The following RIPK4 variants were observed in gnomAD, a reference collection of about 807,000 sequenced individuals.
RIPK4 encodes the protein receptor-interacting serine/threonine-protein kinase 4.
RIPK4 carries 17 observed loss-of-function variants against 42.9 expected under a neutral mutation model. The observed-to-expected ratio is 0.40, with a 90% confidence interval of 0.27 to 0.59. RIPK4 has a LOEUF of 0.59. Ranked by LOEUF, RIPK4 falls within the 20% of genes least tolerant of loss-of-function variation. RIPK4 has a pLI of 0.47. For missense variants in RIPK4, 897 were observed against 1,104.4 expected (o/e 0.81, Z 2.66); for synonymous variants, 498 against 499.1 (o/e 1.00, Z 0.03).
chr21:41,766,736 T>C lies in RIPK4; in HGVS notation c.182+124A>G, dbSNP rs545147456. 1,367 of 1,052,016 alleles carry C rather than the reference T, an allele frequency of 1.3e-3. 4 individuals are homozygous for C. Among genetic ancestry groups the C allele is most frequent in the African/African-American group, 7.0e-3 (418 of 59,454 alleles). The allele number at this position is 1,052,016 out of a possible 1,614,324, so 65.2% of individuals were successfully genotyped here. A position where few individuals can be genotyped will look rare whatever the true frequency, so the allele number is the denominator to read the frequency against. ...CCCGCGGCCTCGCCGGCAATTGGTT[T>C]CCCCCCCGAAGCTGCTCCGGGGGTG... is the stretch of plus-strand genomic sequence containing the variant. On this transcript the variant is annotated intron_variant, in intron 1 of 7. Coordinates refer to ENST00000332512, the MANE Select transcript of RIPK4 (RefSeq NM_020639.3).
At chr21:41,759,764 C>G (rs2061215293) in intron 1 of RIPK4, among the ~76,000 whole-genome samples, 1 of 152,230 alleles carries the variant, frequency 6.6e-6, no homozygotes. Flanking sequence ...TCTGACCGCC[C>G]CTGCGAGAGT....
Position 41,741,441 on chromosome 21 carries a change from G to A in RIPK4, c.1752C>T (p.Pro584=), listed in dbSNP as rs77714557. ...GCTGCTTGGCCAGCAGCTTGACGAT[G>A]GGCAGGTGGCCCTGCCAGGCAGCGT... is the stretch of plus-strand genomic sequence containing the variant. ...LHYAAWQGHL[P]IVKLLAKQPG... The change falls in exon 8 of 8, where the codon CCC becomes CCT. Residue 584 remains proline (P), a synonymous_variant. Coordinates refer to ENST00000332512, the MANE Select transcript of RIPK4 (RefSeq NM_020639.3). 101 of 1,612,876 alleles carry A rather than the reference G, an allele frequency of 6.3e-5. No individual in the cohort carries two copies. In the East Asian group the frequency reaches 2.3e-3, roughly 36 times the overall value.
chr21:41,743,962 G>A lies in RIPK4; in HGVS notation c.1115C>T (p.Ser372Leu). Residue 372 changes from serine to leucine, a missense_variant, in exon 7 of 8, where the codon TCG (serine) becomes TTG (leucine). By Grantham distance (145) the Ser-to-Leu change is moderately radical (BLOSUM62 -2). Coordinates refer to ENST00000332512, the MANE Select transcript of RIPK4 (RefSeq NM_020639.3). The part of the protein sequence containing the change: ...LPSSGSGKRL[S>L]GVSSVDSAFS... ...GGCGGAGTCCACCGAGGACACCCCC[G>A]AGAGCCTCTTCCCACTGCCGGACGA... 5 of 1,613,416 alleles carry A rather than the reference G, an allele frequency of 3.1e-6. No individual in the cohort carries two copies. The highest frequency in any genetic ancestry group is 4.2e-6 in the Non-Finnish European group (5 of 1,180,014).
In RIPK4 at chr21:41,740,908, T is replaced by C; in HGVS notation, c.2285A>G (p.Asn762Ser). The C allele has an allele frequency of 1.2e-6, 2 of 1,612,522 alleles. No homozygotes were observed. Among genetic ancestry groups the C allele is most frequent in the Non-Finnish European group, 1.7e-6 (2 of 1,179,784 alleles). The change falls in exon 8 of 8, where the codon AAC (asparagine) becomes AGC (serine). Residue 762 changes from asparagine to serine, a missense_variant. Asn to Ser is a conservative substitution (Grantham distance 46). Transcript: ENST00000332512. Reference sequence around the variant, plus strand: ...GCCCTGGAACTTGAGGCTCTGCAGGTTGATGTGGGCCCCATGCCTGAGCAG... The same window carrying C: ...GCCCTGGAACTTGAGGCTCTGCAGGCTGATGTGGGCCCCATGCCTGAGCAG... ...ETLLRHGAHI[N>S]LQSLKFQGGH...
intron 1 of RIPK4, among the ~76,000 whole-genome samples, chr21:41,766,339 C>A (rs2061236480): frequency 6.6e-6 from 1 of 152,208 alleles, no homozygotes; most frequent in Non-Finnish European, 1.5e-5. Flanking sequence ...TGTGTTCCAA[C>A]GTAAATTACT....
At position 41,741,218 on chromosome 21, in the gene RIPK4, G is replaced by A. The variant is rs147500393; in HGVS notation, c.1975C>T (p.Arg659Trp). 125 of 1,609,144 alleles carry A rather than the reference G, an allele frequency of 7.8e-5. No homozygotes were observed. Among genetic ancestry groups the A allele is most frequent in the Middle Eastern group, 1.6e-4 (1 of 6,072 alleles). Reference sequence around the variant, plus strand: ...GTCATGGCCTCCTTGCCAGCGCCCCGATGCAGGAGCAGCCTGGCAGTGCTC... The same window carrying A: ...GTCATGGCCTCCTTGCCAGCGCCCCAATGCAGGAGCAGCCTGGCAGTGCTC... ...HTSTARLLLHRGAGKEAMTSD... is the reference protein window; with the variant it reads ...HTSTARLLLHWGAGKEAMTSD... The change falls in exon 8 of 8, where the codon CGG (arginine) becomes TGG (tryptophan). Residue 659 changes from arginine to tryptophan, a missense_variant. Arg to Trp is a moderately radical substitution (Grantham distance 101). Transcript: ENST00000332512.
intron 1 of RIPK4, among the ~76,000 whole-genome samples, chr21:41,763,005 G>A (rs776950225): frequency 5.3e-5 from 8 of 152,164 alleles, no homozygotes; most frequent in East Asian, 1.9e-4. Context: ...GCGCAGCTAC[G>A]CTTAGGCACA....
chr21:41,765,820 C>T (rs3787962), intron 1 of RIPK4, among the ~76,000 whole-genome samples: 47,234 of 152,206 alleles, frequency 0.31, 7,875 homozygotes, highest in African/African-American at 0.41. Flanking sequence ...ATAATTAAAA[C>T]GTGCTAAATT....
intron 1 of RIPK4, among the ~76,000 whole-genome samples, chr21:41,758,891 T>C (rs1167300928): frequency 6.6e-6 from 1 of 152,228 alleles, no homozygotes; most frequent in Non-Finnish European, 1.5e-5. Context: ...TGCAATGGTC[T>C]GTATTGGCAT....
rs751391190 is a variant in RIPK4, at chr21:41,756,516, G to GC, written c.474+8dup. On this transcript the variant is annotated intron_variant, in intron 2 of 7. Transcript: ENST00000332512. ...GCCCAGCTCTCTCGGGCACCGTGCGGCCCCCCACCTTGACGTGGTAGTGGG... is the reference window on the plus strand; with the variant it reads ...GCCCAGCTCTCTCGGGCACCGTGCGGCCCCCCCACCTTGACGTGGTAGTGGG... 32 of 1,609,456 alleles carry GC rather than the reference G, an allele frequency of 2.0e-5. No homozygotes were observed. Among genetic ancestry groups the GC allele is most frequent in the Admixed American group, 3.3e-5 (2 of 59,984 alleles).
Position 41,743,873 on chromosome 21 carries a change from C to A in RIPK4, c.1195+9G>T. 1 of 1,583,766 alleles carries A rather than the reference C, an allele frequency of 6.3e-7. No homozygotes were observed. On this transcript the variant is annotated intron_variant, in intron 7 of 7. Transcript: ENST00000332512. ...GCATCTCTCGGGACACAGAGGCGTC[C>A]CCACTCACCGCTGGTTGAAGGTTCC...
Position 41,746,734 on chromosome 21 carries a change from C to T in RIPK4, c.711G>A (p.Val237=), listed in dbSNP as rs1267240400. ...KNILHIMVKV[V]KGHRPELPPV... is the part of the protein sequence containing the mutation. ...GCGGCAGCTCGGGGCGGTGGCCCTTCACCACCTTCACCATGATGTGCAGGA... is the reference window on the plus strand; with the variant it reads ...GCGGCAGCTCGGGGCGGTGGCCCTTTACCACCTTCACCATGATGTGCAGGA... The change falls in exon 5 of 8, where the codon GTG becomes GTA. Residue 237 remains valine, a synonymous_variant. Transcript: ENST00000332512. 2 of 1,606,518 alleles carry T rather than the reference C, an allele frequency of 1.2e-6. No homozygotes were observed. The highest frequency in any genetic ancestry group is 1.7e-6 in the Non-Finnish European group (2 of 1,177,624).
At chr21:41,752,861 A>G (rs537888616) in intron 2 of RIPK4, among the ~76,000 whole-genome samples, 15 of 152,240 alleles carry the variant, frequency 9.9e-5, no homozygotes, top group African/African-American at 3.4e-4. Context: ...ATTAGGACAA[A>G]CACCTAATGC....
chr21:41,763,532 C>G (rs1335458223), intron 1 of RIPK4, among the ~76,000 whole-genome samples: 2 of 152,134 alleles, frequency 1.3e-5, no homozygotes, highest in African/African-American at 2.4e-5. Context: ...GTGGGGGAGA[C>G]GGTGAGACCG....
At position 41,741,073 on chromosome 21, in the gene RIPK4, A is replaced by G; in HGVS notation, c.2120T>C (p.Leu707Pro). 1.2e-6 allele frequency: 2 copies of G among 1,611,430 alleles called. No homozygotes were observed. Among genetic ancestry groups the G allele is most frequent in the Non-Finnish European group, 1.7e-6 (2 of 1,179,682 alleles). Residue 707 changes from leucine to proline, a missense_variant, in exon 8 of 8, where the codon CTG becomes CCG. Physicochemically the swap from Leu to Pro is moderately conservative, Grantham distance 98 (BLOSUM62 -3). Transcript: ENST00000332512. ...GTGCCCGTGGGCGGCAGCCAGGTGCAGCGCCGTCTGGTTCAGGGGTCCCCG... is the reference window on the plus strand; with the variant it reads ...GTGCCCGTGGGCGGCAGCCAGGTGCGGCGCCGTCTGGTTCAGGGGTCCCCG... ...LARGPLNQTA[L>P]HLAAAHGHSE...
At chr21:41,749,318 C>A (rs1336423533) in intron 3 of RIPK4, 115 bp from the exon 4 acceptor site, 17 of 954,156 alleles carry the variant, frequency 1.8e-5, no homozygotes, top group Middle Eastern at 4.5e-4. Flanking sequence ...AAAGACAGAG[C>A]CATGACACCG....
intron 3 of RIPK4, among the ~76,000 whole-genome samples, chr21:41,750,277 C>T (rs974846311): frequency 1.3e-5 from 2 of 152,230 alleles, no homozygotes; most frequent in Non-Finnish European, 2.9e-5. Flanking sequence ...GGCTTAGTGC[C>T]TGCTCACACG....
chr21:41,745,924 A>G, intron 5 of RIPK4, 62 bp from the exon 6 acceptor site: 1 of 1,312,732 alleles, frequency 7.6e-7, no homozygotes, highest in South Asian at 1.2e-5. Flanking sequence ...CACGCGTTCC[A>G]TATAAACGCA....
In RIPK4 at chr21:41,741,532, C is replaced by T. The variant is rs764286644; in HGVS notation, c.1661G>A (p.Arg554His). Residue 554 changes from arginine (R) to histidine (H), a missense_variant, in exon 8 of 8, where the codon CGC becomes CAC. Coordinates refer to ENST00000332512, the MANE Select transcript of RIPK4 (RefSeq NM_020639.3). ...GTCCACGCCTCGGCGCAGCAGGATG[C>T]GCACGATATTCTCCTGCCCGTGCTG... ...ACQHGQENIV[R>H]ILLRRGVDVS... 1.4e-5 allele frequency: 22 copies of T among 1,612,194 alleles called. No individual in the cohort carries two copies. Among genetic ancestry groups the T allele is most frequent in the Non-Finnish European group, 1.6e-5 (19 of 1,180,004 alleles).
Sources: allele counts gnomAD v4.1 joint callset (sites outside exome capture counted in the v4.1 genomes callset), GRCh38; gene constraint gnomAD v4.1.1; transcripts MANE v1.5; gene names NCBI Gene and HGNC (gene_info 2026-07-23, HGNC 2026-07-21).